EIF4G3: variants seen among roughly 807,000 people sequenced by gnomAD.
EIF4G3 encodes the protein eIF-4-gamma 3.
In EIF4G3, 34 loss-of-function variants were observed where a neutral mutation model predicts 186.4. The observed-to-expected ratio is 0.18, with a 90% CI of 0.14 to 0.24. The LOEUF is 0.24. EIF4G3 is among the 10% of genes least tolerant of loss of function. The pLI, the probability that EIF4G3 is intolerant of heterozygous loss-of-function variation, is 1.00. For missense variants in EIF4G3, 1,536 were observed against 1,948.5 expected, an observed-to-expected ratio of 0.79 and a Z score of 3.99; for synonymous variants, 673 against 679.5, an observed-to-expected ratio of 0.99 and a Z score of 0.15.
chr1:21,045,126 T>A (rs573253937), intron 4 of EIF4G3, among the ~76,000 whole-genome samples: 1 of 151,654 alleles, frequency 6.6e-6, no homozygotes, highest in South Asian at 2.1e-4. Flanking sequence ...TCTCTAAAAA[T>A]AAAAAATAAA....
chr1:21,020,259 G>A (rs2090356843), intron 4 of EIF4G3, among the ~76,000 whole-genome samples: 1 of 152,128 alleles, frequency 6.6e-6, no homozygotes, highest in African/African-American at 2.4e-5. Flanking sequence ...AGGCGGAGGT[G>A]AGAAGATTGC....
Position 20,864,678 on chromosome 1 carries a change from T to C in EIF4G3, c.2804A>G (p.Glu935Gly), listed in dbSNP as rs2077160107. 1 of 1,614,178 alleles carries C rather than the reference T, an allele frequency of 6.2e-7. No homozygotes were observed. ...EERTRLHDELEEAKDKARRRS... is the reference protein window; with the variant it reads ...EERTRLHDELGEAKDKARRRS... Reference sequence around the variant, plus strand: ...CCGCCGGGCTTTGTCCTTGGCTTCTTCCAGTTCATCATGAAGCCTTGTCCT... The same window carrying C: ...CCGCCGGGCTTTGTCCTTGGCTTCTCCCAGTTCATCATGAAGCCTTGTCCT... The change falls in exon 22 of 37, where the codon GAA (glutamate) becomes GGA (glycine). Residue 935 changes from glutamate to glycine, a missense_variant. This residue lies in a region of EIF4G3 where 77 missense variants were observed against 131.6 expected (regional missense o/e 0.59). Coordinates refer to ENST00000602326, the MANE Select transcript of EIF4G3 (RefSeq NM_001391906.1).
intron 4 of EIF4G3, among the ~76,000 whole-genome samples, chr1:21,034,876 G>A (rs1203155076): frequency 1.3e-5 from 2 of 152,124 alleles, no homozygotes; most frequent in Non-Finnish European, 2.9e-5. Context: ...CTGGGCCTGG[G>A]CCCAGAATCT....
intron 4 of EIF4G3, among the ~76,000 whole-genome samples, chr1:21,024,167 G>C (rs1480194889): frequency 2.9e-5 from 2 of 69,518 alleles, no homozygotes; most frequent in South Asian, 3.9e-4. Flanking sequence ...GGAGGGAGGT[G>C]GGGGGGGGTC....
intron 2 of EIF4G3, among the ~76,000 whole-genome samples, chr1:21,108,081 G>A (rs1209820624): frequency 6.6e-6 from 1 of 152,246 alleles, no homozygotes; most frequent in African/African-American, 2.4e-5. Context: ...CTGGGAGGCA[G>A]AGGATGCAGT....
chr1:20,826,491 T>C (rs1338408626), intron 32 of EIF4G3, among the ~76,000 whole-genome samples: 2 of 136,254 alleles, frequency 1.5e-5, no homozygotes, highest in Admixed American at 7.5e-5. Flanking sequence ...CTTTTTTTTT[T>C]TTTTTTTTTT....
intron 14 of EIF4G3, among the ~76,000 whole-genome samples, chr1:20,918,875 TATTGTCAG>T (rs2094208139): frequency 6.6e-6 from 1 of 152,024 alleles, no homozygotes; most frequent in Admixed American, 6.5e-5. Context: ...CAAATATAGA[TATTGTCAG>T]ATTTGGTTCC....
At chr1:21,052,235 G>A (rs901950276) in intron 3 of EIF4G3, among the ~76,000 whole-genome samples, 20 of 152,130 alleles carry the variant, frequency 1.3e-4, no homozygotes, top group African/African-American at 3.9e-4. Flanking sequence ...GACCCCTAGT[G>A]GAAGTGTCTA....
intron 4 of EIF4G3, among the ~76,000 whole-genome samples, chr1:21,044,751 G>A (rs1258622808): frequency 1.3e-5 from 2 of 150,942 alleles, no homozygotes; most frequent in Non-Finnish European, 2.9e-5. Flanking sequence ...AGTCTCAAGC[G>A]ATCCTCTCAC....
At chr1:20,936,043 T>G (rs2095507772) in intron 14 of EIF4G3, among the ~76,000 whole-genome samples, 1 of 152,160 alleles carries the variant, frequency 6.6e-6, no homozygotes, top group Non-Finnish European at 1.5e-5. Flanking sequence ...CATGAACTAC[T>G]GTAAAAAATG....
intron 20 of EIF4G3, among the ~76,000 whole-genome samples, chr1:20,878,883 C>A (rs2081564498): frequency 6.6e-6 from 1 of 152,166 alleles, no homozygotes; most frequent in Non-Finnish European, 1.5e-5. Flanking sequence ...AAATTATCAG[C>A]TTTGAAACCT....
intron 2 of EIF4G3, among the ~76,000 whole-genome samples, chr1:21,147,687 G>A (rs1402833106): frequency 3.3e-5 from 5 of 151,976 alleles, no homozygotes; most frequent in African/African-American, 9.7e-5. Context: ...CCTAGGACAT[G>A]AACAAATAAT....
intron 20 of EIF4G3, among the ~76,000 whole-genome samples, chr1:20,870,359 G>A (rs1033974921): frequency 6.6e-6 from 1 of 152,042 alleles, no homozygotes; most frequent in Non-Finnish European, 1.5e-5. Context: ...TGCCTTTAGT[G>A]CCATTCTTTG....
At chr1:20,826,559 G>A (rs754915201) in intron 32 of EIF4G3, among the ~76,000 whole-genome samples, 12 of 135,890 alleles carry the variant, frequency 8.8e-5, no homozygotes, top group Admixed American at 2.5e-4. Flanking sequence ...GCATGATCTC[G>A]GCTAACTGCA....
chr1:21,016,940 G>A lies in EIF4G3; in HGVS notation c.-66-14132C>T, dbSNP rs530727846. 7.9e-5 allele frequency among the ~76,000 whole-genome samples: 12 copies of A among 152,284 alleles called. No individual in the cohort carries two copies. In the South Asian group the frequency reaches 2.5e-3, roughly 32 times the overall value. On this transcript the variant is annotated intron_variant, in intron 4 of 36. Transcript: ENST00000602326. The stretch of plus-strand genomic sequence containing the variant: ...GCCGAGATCACGCCACTGCACTCCA[G>A]CCTGGTGACAGAGCGAGACTCTCAT...
At chr1:20,993,457 A>C (rs978646758) in intron 7 of EIF4G3, among the ~76,000 whole-genome samples, 1 of 152,202 alleles carries the variant, frequency 6.6e-6, no homozygotes, top group African/African-American at 2.4e-5. Context: ...TTTCACAAGC[A>C]ATTAATTCCA....
intron 3 of EIF4G3, among the ~76,000 whole-genome samples, chr1:21,070,775 A>T (rs2095418860): frequency 6.6e-6 from 1 of 152,236 alleles, no homozygotes; most frequent in East Asian, 1.9e-4. Context: ...TATCAAAGGT[A>T]AACTGACATT....
chr1:20,988,084 A>C (rs2080003687), intron 7 of EIF4G3, among the ~76,000 whole-genome samples: 1 of 152,254 alleles, frequency 6.6e-6, no homozygotes, highest in African/African-American at 2.4e-5. Context: ...GCAAAGTCCT[A>C]ACTCTCATTT....
intron 19 of EIF4G3, among the ~76,000 whole-genome samples, chr1:20,885,722 T>C (rs188159715): frequency 2.3e-4 from 35 of 152,324 alleles, no homozygotes; most frequent in Non-Finnish European, 3.4e-4. Flanking sequence ...ATTCAATTTA[T>C]CCTCATAGTT....
Sources: gnomAD v4.1 joint callset for allele counts (sites outside exome capture counted in the v4.1 genomes callset) on GRCh38, gnomAD v4.1.1 for gene constraint, gnomAD v4.1.1 regional missense constraint, MANE v1.5 for transcripts, NCBI Gene and HGNC (gene_info 2026-07-23, HGNC 2026-07-21) for gene names.